The following MAST4 variants were observed in gnomAD, a reference collection of about 807,000 sequenced individuals.
MAST4 encodes microtubule-associated serine/threonine-protein kinase 4.
A neutral mutation model predicts 162.7 loss-of-function variants in MAST4; 89 were observed. That is an observed-to-expected ratio of 0.55 (90% confidence interval 0.46 to 0.65). The LOEUF is 0.65. Among genes scored for constraint, MAST4 ranks in the 30% least tolerant of loss-of-function variants. The pLI is 0.00. For missense variants in MAST4, 3,153 were observed against 3,374.0 expected (o/e 0.93, Z 1.62); for synonymous variants, 1,479 against 1,361.1 (o/e 1.09, Z -1.91).
chr5:66,811,009 A>G (rs1197489084), intron 3 of MAST4, among the ~76,000 whole-genome samples: 7 of 152,226 alleles, frequency 4.6e-5, no homozygotes, highest in Non-Finnish European at 5.9e-5. Context: ...CAGGAAAAAC[A>G]TCACTAGGGG....
At chr5:66,700,043 C>A (rs945707147) in intron 1 of MAST4, among the ~76,000 whole-genome samples, 4 of 152,302 alleles carry the variant, frequency 2.6e-5, no homozygotes, top group Admixed American at 2.6e-4. Flanking sequence ...GTTGCTATTA[C>A]CGACATTTTT....
chr5:67,013,849 C>G (rs571436508), intron 4 of MAST4, among the ~76,000 whole-genome samples: 2 of 152,038 alleles, frequency 1.3e-5, no homozygotes, highest in South Asian at 2.1e-4. Flanking sequence ...ATAAAGCACT[C>G]GAGGAAATAT....
At chr5:67,080,132 A>G (rs754283011) in intron 5 of MAST4, among the ~76,000 whole-genome samples, 1 of 152,134 alleles carries the variant, frequency 6.6e-6, no homozygotes, top group African/African-American at 2.4e-5. Context: ...TTAGCATTCC[A>G]TTGCATCCAT....
At chr5:66,679,999 G>A (rs1017320946) in intron 1 of MAST4, among the ~76,000 whole-genome samples, 2 of 152,006 alleles carry the variant, frequency 1.3e-5, no homozygotes, top group Admixed American at 1.3e-4. Context: ...ATGTAAATTG[G>A]CTCCTTCCAT....
intron 4 of MAST4, among the ~76,000 whole-genome samples, chr5:66,919,797 T>C (rs1156484636): frequency 1.3e-5 from 2 of 152,152 alleles, no homozygotes; most frequent in African/African-American, 4.8e-5. Flanking sequence ...ACCAGGACTG[T>C]TTTTGGAACA....
chr5:66,614,746 G>C (rs1485286967), intron 1 of MAST4, among the ~76,000 whole-genome samples: 1 of 152,180 alleles, frequency 6.6e-6, no homozygotes, highest in African/African-American at 2.4e-5. Context: ...CTCCCAACGT[G>C]ATGGGGCTGC....
At chr5:66,871,217 C>T (rs776474895) in intron 3 of MAST4, among the ~76,000 whole-genome samples, 1 of 152,052 alleles carries the variant, frequency 6.6e-6, no homozygotes, top group African/African-American at 2.4e-5. Context: ...GTTTTTCCAC[C>T]GTATAAATAC....
chr5:66,959,097 G>A, intron 4 of MAST4: 2 of 652,650 alleles, frequency 3.1e-6, no homozygotes, highest in Non-Finnish European at 5.6e-6. Flanking sequence ...GCTAGAGGTG[G>A]AAGGACCCAA....
At chr5:66,919,949 CTT>C (rs1764405685) in intron 4 of MAST4, among the ~76,000 whole-genome samples, 1 of 78,322 alleles carries the variant, frequency 1.3e-5, no homozygotes, top group African/African-American at 4.1e-5. Context: ...TCCTTCCTTC[CTT>C]CCTTCCTTCC....
In MAST4 at chr5:67,117,542, A is replaced by T. The variant is rs918549532; in HGVS notation, c.1592-1140A>T. The stretch of plus-strand genomic sequence containing the variant: ...TAATTATTTAATTTTAAATAAAATT[A>T]AGTTTTTTAAAATTGAAAATTTTAA... On this transcript the variant is annotated intron_variant, in intron 12 of 28. Transcript: ENST00000403625. Among the ~76,000 whole-genome samples the T allele has an allele frequency of 2.0e-5, 3 of 151,672 alleles. No individual in the cohort carries two copies. In the East Asian group the frequency reaches 5.8e-4, roughly 29 times the overall value.
At chr5:66,651,797 C>G (rs971365968) in intron 1 of MAST4, among the ~76,000 whole-genome samples, 1 of 152,156 alleles carries the variant, frequency 6.6e-6, no homozygotes, top group African/African-American at 2.4e-5. Flanking sequence ...CTTCCTAACT[C>G]ACTCATGTAC....
At chr5:66,974,421 G>A (rs1043584166) in intron 4 of MAST4, among the ~76,000 whole-genome samples, 17 of 152,202 alleles carry the variant, frequency 1.1e-4, no homozygotes, top group African/African-American at 3.9e-4. Context: ...TCATGACACT[G>A]AGATGAATCA....
chr5:66,940,469 A>G (rs960890515), intron 4 of MAST4, among the ~76,000 whole-genome samples: 5 of 152,124 alleles, frequency 3.3e-5, no homozygotes, highest in African/African-American at 1.2e-4. Flanking sequence ...AATATTCTAA[A>G]TCCTTTGGTT....
At chr5:67,086,508 G>A (rs963181442) in intron 5 of MAST4, among the ~76,000 whole-genome samples, 1 of 152,158 alleles carries the variant, frequency 6.6e-6, no homozygotes, top group South Asian at 2.1e-4. Flanking sequence ...TTCCCCAGGG[G>A]GATCATGGAG....
In MAST4 at chr5:67,114,232, G is replaced by C. The variant is rs774653710; in HGVS notation, c.1591+13G>C. On this transcript the variant is annotated intron_variant, in intron 12 of 28. Coordinates refer to ENST00000403625, the MANE Select transcript of MAST4 (RefSeq NM_001164664.2). Reference sequence around the variant, plus strand: ...GATCCCTTGGAAGGTGAGTCCCTGGGTTGTTCCTACCTTTGACTTTGCTTA... The same window carrying C: ...GATCCCTTGGAAGGTGAGTCCCTGGCTTGTTCCTACCTTTGACTTTGCTTA... 1 of 1,605,034 alleles carries C rather than the reference G, an allele frequency of 6.2e-7. No individual in the cohort carries two copies. Among genetic ancestry groups the C allele is most frequent in the Non-Finnish European group, 8.5e-7 (1 of 1,177,096 alleles).
chr5:67,012,180 C>T (rs918101971), intron 4 of MAST4, among the ~76,000 whole-genome samples: 2 of 152,102 alleles, frequency 1.3e-5, no homozygotes, highest in Non-Finnish European at 2.9e-5. Context: ...AAACAGGAAT[C>T]GTAAGCTTCA....
chr5:67,081,540 G>A (rs1034356611), intron 5 of MAST4, among the ~76,000 whole-genome samples: 23 of 152,172 alleles, frequency 1.5e-4, no homozygotes, highest in African/African-American at 5.5e-4. Context: ...TCAGGGACAA[G>A]TGGAAGCTTA....
At chr5:66,614,680 A>T (rs1743546773) in intron 1 of MAST4, among the ~76,000 whole-genome samples, 1 of 152,158 alleles carries the variant, frequency 6.6e-6, no homozygotes, top group South Asian at 2.1e-4. Context: ...TGTCATTTGA[A>T]CTGGCAGATT....
chr5:66,866,253 G>A (rs1760513135), intron 3 of MAST4, among the ~76,000 whole-genome samples: 1 of 152,048 alleles, frequency 6.6e-6, no homozygotes, highest in Non-Finnish European at 1.5e-5. Context: ...CACTTCTCAA[G>A]CTAATTTGAA....
Sources: allele counts gnomAD v4.1 joint callset (sites outside exome capture counted in the v4.1 genomes callset), GRCh38; gene constraint gnomAD v4.1.1; transcripts MANE v1.5; gene names NCBI Gene and HGNC (gene_info 2026-07-23, HGNC 2026-07-21).